RPL29: variants seen among roughly 807,000 people sequenced by gnomAD.
RPL29 encodes large ribosomal subunit protein eL29.
A neutral mutation model predicts 7.2 loss-of-function variants in RPL29; 4 were observed. The observed-to-expected ratio is 0.55, with a 90% CI of 0.27 to 1.26. RPL29 has a LOEUF of 1.26. Ranked by LOEUF, RPL29 falls within the 50% of genes most tolerant of loss-of-function variation. The probability of loss-of-function intolerance (pLI) is 0.11; values close to 1 mark genes in which losing one functional copy is unlikely to be tolerated. For missense variants in RPL29, 148 were observed against 209.1 expected (o/e 0.71, Z 1.80); for synonymous variants, 73 against 72.8 (o/e 1.00, Z -0.01).
intron 3 of RPL29, chr3:51,994,806 A>C (rs764840964): frequency 1.4e-6 from 1 of 703,904 alleles, no homozygotes; most frequent in South Asian, 1.5e-5. Flanking sequence ...GGAGATAGCC[A>C]AACTGCCCTC....
At position 51,993,744 on chromosome 3, in the gene RPL29, G is replaced by A. The variant is rs1062408; in HGVS notation, c.*5C>T. ...GTCCTTCTGTCCTCATGTTGGCAGAGATATCTACTCTGAAGCCTTTGTAGG... is the reference window on the plus strand; with the variant it reads ...GTCCTTCTGTCCTCATGTTGGCAGAAATATCTACTCTGAAGCCTTTGTAGG... On this transcript the variant is annotated 3_prime_UTR_variant, in exon 4 of 4. Coordinates refer to ENST00000294189, the MANE Select transcript of RPL29 (RefSeq NM_000992.3). 1 of 1,579,352 alleles carries A rather than the reference G, an allele frequency of 6.3e-7. No homozygotes were observed. The highest frequency in any genetic ancestry group is 8.6e-7 in the Non-Finnish European group (1 of 1,169,430).
intron 3 of RPL29, chr3:51,994,624 G>C (rs931790968): frequency 9.5e-6 from 5 of 527,766 alleles, no homozygotes; most frequent in Non-Finnish European, 1.7e-5. Flanking sequence ...CTCTCCCCTA[G>C]ACCCTCCAGC....
At chr3:51,994,252 C>G in intron 3 of RPL29, 126 bp from the exon 4 acceptor site, 2 of 1,246,342 alleles carry the variant, frequency 1.6e-6, no homozygotes, top group Non-Finnish European at 2.2e-6. Flanking sequence ...TGGAAATACC[C>G]AACCTCTTGA....
At chr3:51,994,907 G>A in intron 3 of RPL29, 135 bp downstream of exon 3, 1 of 821,948 alleles carries the variant, frequency 1.2e-6, no homozygotes, top group Non-Finnish European at 2.2e-6. Flanking sequence ...GGTAGAAAAA[G>A]GAATTGCAGG....
At position 51,995,891 on chromosome 3, in the gene RPL29, A is replaced by C. The variant is rs1473291897; in HGVS notation, c.-43T>G. On this transcript the variant is annotated 5_prime_UTR_variant, in exon 1 of 4. Transcript: ENST00000294189. The stretch of plus-strand genomic sequence containing the variant: ...CGGCTCCCGAAGCGCCTAGAACCGG[A>C]AGAGAAAGGGGCTGCGGTGCAGCAC... The C allele has an allele frequency of 9.8e-6, 2 of 203,836 alleles. No individual in the cohort carries two copies. Among genetic ancestry groups the C allele is most frequent in the South Asian group, 1.4e-4 (2 of 13,824 alleles). 12.6% of individuals were successfully genotyped at this position (203,836 alleles called of 1,614,324 possible).
intron 2 of RPL29, 104 bp downstream of exon 2, chr3:51,995,321 A>C (rs1701300235): frequency 7.8e-7 from 1 of 1,289,946 alleles, no homozygotes; most frequent in African/African-American, 1.5e-5. Context: ...GAAATCAATC[A>C]GCCTCAGGCC....
chr3:51,994,296 G>T, intron 3 of RPL29, 170 bp from the exon 4 acceptor site: 1 of 859,344 alleles, frequency 1.2e-6, no homozygotes, highest in Non-Finnish European at 1.7e-6. Flanking sequence ...CACCACCCCA[G>T]GGAGCCAATA....
rs527384968 is a variant in RPL29, at chr3:51,993,610, T to C, written c.*139A>G. 29 of 925,234 alleles carry C rather than the reference T, an allele frequency of 3.1e-5. 1 individual carries two copies. The highest frequency in any genetic ancestry group is 1.3e-4 in the South Asian group (8 of 60,652). 57.3% of individuals were successfully genotyped at this position (925,234 alleles called of 1,614,324 possible). A position where few individuals can be genotyped will look rare whatever the true frequency, so the allele number is the denominator to read the frequency against. On this transcript the variant is annotated 3_prime_UTR_variant, in exon 4 of 4. Coordinates refer to ENST00000294189, the MANE Select transcript of RPL29 (RefSeq NM_000992.3). ...GCAACCAAACCCATCCCCAGGATCA[T>C]AGACAGAGGCTAACAAATCCTGCCT...
At chr3:51,995,512 C>G (rs1217950920) in intron 1 of RPL29, 43 bp from the exon 2 acceptor site, 1 of 1,592,812 alleles carries the variant, frequency 6.3e-7, no homozygotes, top group African/African-American at 1.3e-5. Flanking sequence ...GCTCGCCAGG[C>G]TGGGCCACCT....
At chr3:51,994,475 G>T (rs140109981) in intron 3 of RPL29, 4,770 of 327,768 alleles carry the variant, frequency 0.015, 55 homozygotes, top group Non-Finnish European at 0.022. Flanking sequence ...AGAAGAAGGT[G>T]TCAATTAAAT....
Position 51,995,888 on chromosome 3 carries a change from C to T in RPL29, c.-40G>A. The T allele has an allele frequency of 4.9e-6, 1 of 204,060 alleles. No individual in the cohort carries two copies. Among genetic ancestry groups the T allele is most frequent in the Non-Finnish European group, 1.0e-5 (1 of 98,080 alleles). The allele number at this position is 204,060 out of a possible 1,614,324, so 12.6% of individuals were successfully genotyped here. On this transcript the variant is annotated 5_prime_UTR_variant, in exon 1 of 4. Transcript: ENST00000294189. ...CCGCGGCTCCCGAAGCGCCTAGAACCGGAAGAGAAAGGGGCTGCGGTGCAG... is the reference window on the plus strand; with the variant it reads ...CCGCGGCTCCCGAAGCGCCTAGAACTGGAAGAGAAAGGGGCTGCGGTGCAG...
In RPL29 at chr3:51,993,705, G is replaced by T. The variant is rs751707498; in HGVS notation, c.*44C>A. 5.9e-6 allele frequency: 9 copies of T among 1,520,490 alleles called. No homozygotes were observed. Among genetic ancestry groups the T allele is most frequent in the African/African-American group, 2.8e-5 (2 of 72,620 alleles). The allele number at this position is 1,520,490 out of a possible 1,614,324, so 94.2% of individuals were successfully genotyped here. On this transcript the variant is annotated 3_prime_UTR_variant, in exon 4 of 4. Coordinates refer to ENST00000294189, the MANE Select transcript of RPL29 (RefSeq NM_000992.3). ...CAGATGGTAGCCCAGGGGCGGGGGT[G>T]GGGGGTCGCACCAGTCCTTCTGTCC...
Position 51,995,115 on chromosome 3 carries a change from G to C in RPL29, c.38-9C>G. Reference sequence around the variant, plus strand: ...TCTGTGCCATTTTCGGGCTGTGGGAGAAAAAAAGGGAATTAAGCCAACAAA... The same window carrying C: ...TCTGTGCCATTTTCGGGCTGTGGGACAAAAAAAGGGAATTAAGCCAACAAA... On this transcript the variant is annotated splice_polypyrimidine_tract_variant and intron_variant, in intron 2 of 3. Coordinates refer to ENST00000294189, the MANE Select transcript of RPL29 (RefSeq NM_000992.3). 6.3e-7 allele frequency: 1 copy of C among 1,588,448 alleles called. No individual in the cohort carries two copies. The highest frequency in any genetic ancestry group is 8.6e-7 in the Non-Finnish European group (1 of 1,168,422).
At chr3:51,995,272 A>T in intron 2 of RPL29, 153 bp downstream of exon 2, 1 of 985,528 alleles carries the variant, frequency 1.0e-6, no homozygotes, top group Non-Finnish European at 1.6e-6. Flanking sequence ...TATCTCAAGT[A>T]GATCTCTAAA....
At chr3:51,995,404 G>C (rs776544186) in intron 2 of RPL29, 21 bp downstream of exon 2, 9 of 1,613,942 alleles carry the variant, frequency 5.6e-6, no homozygotes, top group East Asian at 4.5e-5. Flanking sequence ...CTGGGATGTA[G>C]GCAGGGCCCA....
In RPL29 at chr3:51,993,883, G is replaced by C. The variant is rs780661110; in HGVS notation, c.346C>G (p.Leu116Val). ...KRARARIAKGLRLCRPKAKAK... is the reference protein window; with the variant it reads ...KRARARIAKGVRLCRPKAKAK... The stretch of plus-strand genomic sequence containing the variant: ...TTGGCCTTTGGCCGGCACAGCCTGA[G>C]CCCCTTGGCAATACGGGCACGAGCA... The change falls in exon 4 of 4, where the codon CTC becomes GTC. Residue 116 changes from leucine (L) to valine (V), a missense_variant. Physicochemically the swap from Leu to Val is conservative, Grantham distance 32. Transcript: ENST00000294189. The C allele has an allele frequency of 6.3e-7, 1 of 1,596,350 alleles. No homozygotes were observed. Among genetic ancestry groups the C allele is most frequent in the Non-Finnish European group, 8.5e-7 (1 of 1,179,770 alleles).
Sources: gnomAD v4.1 joint callset for allele counts on GRCh38, gnomAD v4.1.1 for gene constraint, MANE v1.5 for transcripts, NCBI Gene and HGNC (gene_info 2026-07-23, HGNC 2026-07-21) for gene names.